THNSL1: variants seen among roughly 807,000 people sequenced by gnomAD.
THNSL1 encodes threonine synthase-like 1.
THNSL1 carries 48 observed loss-of-function variants against 50.4 expected under a neutral mutation model. That is an observed-to-expected ratio of 0.95 (90% CI 0.76 to 1.21). THNSL1 has a LOEUF of 1.21. THNSL1 is among the 50% of genes most tolerant of loss of function. THNSL1 has a pLI of 0.00. For synonymous variants in THNSL1, 309 were observed against 306.1 expected, an observed-to-expected ratio of 1.01 and a Z score of -0.10; for missense variants, 896 against 871.7, an observed-to-expected ratio of 1.03 and a Z score of -0.35.
In THNSL1 at chr10:25,024,687, T is replaced by C; in HGVS notation, c.1464T>C (p.Leu488=). The C allele has an allele frequency of 6.2e-7, 1 of 1,614,256 alleles. No individual in the cohort carries two copies. The highest frequency in any genetic ancestry group is 8.5e-7 in the Non-Finnish European group (1 of 1,180,038). Residue 488 remains leucine, a synonymous_variant, in exon 3 of 3, where the codon CTT becomes CTC. Coordinates refer to ENST00000376356, the MANE Select transcript of THNSL1 (RefSeq NM_024838.5). ...TAGTTTATCATGCTTCCGCATATCT[T>C]GATCTTGTTAGTCAAGGATTTATTT... ...PQVVYHASAY[L]DLVSQGFISF... is the part of the protein sequence containing the mutation.
chr10:25,007,762 A>T, the THNSL1 span, among the ~76,000 whole-genome samples: 1 of 152,014 alleles, frequency 6.6e-6, no homozygotes, highest in Non-Finnish European at 1.5e-5. Flanking sequence ...TATAGGCAGT[A>T]ACTCAAAATA....
chr10:25,025,299 C>G lies in THNSL1; in HGVS notation c.2076C>G (p.Leu692=), dbSNP rs764217133. The change falls in exon 3 of 3, where the codon CTC becomes CTG. Residue 692 remains leucine (L), a synonymous_variant. Coordinates refer to ENST00000376356, the MANE Select transcript of THNSL1 (RefSeq NM_024838.5). ...TCAATGAGACTTCATCAAGTCAGCT[C>G]TATTTGCTGGGTTCATACAATGCAT... ...KEINETSSSQ[L]YLLGSYNALP... 8 of 1,614,180 alleles carry G rather than the reference C, an allele frequency of 5.0e-6. No individual in the cohort carries two copies. The highest frequency in any genetic ancestry group is 4.4e-5 in the South Asian group (4 of 91,084).
chr10:25,022,123 T>G (rs1850730780), intron 2 of THNSL1, among the ~76,000 whole-genome samples: 1 of 152,162 alleles, frequency 6.6e-6, no homozygotes. Flanking sequence ...TTCAGGCAAT[T>G]TACATGAACA....
chr10:25,011,402 T>G, the THNSL1 span, among the ~76,000 whole-genome samples: 69 of 152,278 alleles, frequency 4.5e-4, no homozygotes, highest in African/African-American at 1.6e-3. Flanking sequence ...GGTTGCCTAT[T>G]CACTCTGATG....
the THNSL1 span, among the ~76,000 whole-genome samples, chr10:25,010,199 G>A: frequency 2.6e-5 from 4 of 152,100 alleles, no homozygotes; most frequent in East Asian, 1.9e-4. Flanking sequence ...GGTTTCAGAC[G>A]GAGATGAGGA....
the THNSL1 span, among the ~76,000 whole-genome samples, chr10:24,967,731 T>C: frequency 2.0e-5 from 3 of 151,724 alleles, no homozygotes; most frequent in Non-Finnish European, 4.4e-5. Context: ...GATATGTGTG[T>C]ATGATGTGTG....
In THNSL1 at chr10:25,024,647, G is replaced by A. The variant is rs1850804810; in HGVS notation, c.1424G>A (p.Arg475Gln). 5 of 1,614,196 alleles carry A rather than the reference G, an allele frequency of 3.1e-6. No individual in the cohort carries two copies. Among genetic ancestry groups the A allele is most frequent in the Middle Eastern group, 1.6e-4 (1 of 6,062 alleles). ...TCGGCTAACTCCATAAACTGGGGCCGACTACTTCCGCAGGTAGTTTATCAT... is the reference window on the plus strand; with the variant it reads ...TCGGCTAACTCCATAAACTGGGGCCAACTACTTCCGCAGGTAGTTTATCAT... ...LSSANSINWG[R>Q]LLPQVVYHAS... Residue 475 changes from arginine (R) to glutamine (Q), a missense_variant, in exon 3 of 3, where the codon CGA becomes CAA. By Grantham distance (43) the Arg-to-Gln change is conservative (BLOSUM62 1). Coordinates refer to ENST00000376356, the MANE Select transcript of THNSL1 (RefSeq NM_024838.5).
At chr10:24,986,841 A>C in the THNSL1 span, among the ~76,000 whole-genome samples, 1 of 152,202 alleles carries the variant, frequency 6.6e-6, no homozygotes, top group Non-Finnish European at 1.5e-5. Context: ...CTAAAAAGAT[A>C]CTTCATGTGT....
chr10:25,008,345 T>C, the THNSL1 span, among the ~76,000 whole-genome samples: 1 of 152,318 alleles, frequency 6.6e-6, no homozygotes, highest in African/African-American at 2.4e-5. Flanking sequence ...TGTAATTAGT[T>C]AGCAAAGTGG....
At chr10:24,980,403 G>C in the THNSL1 span, among the ~76,000 whole-genome samples, 15 of 152,012 alleles carry the variant, frequency 9.9e-5, no homozygotes, top group Non-Finnish European at 1.8e-4. Context: ...TAAAATGTCA[G>C]ATCCTACAAA....
chr10:24,967,726 G>A, the THNSL1 span, among the ~76,000 whole-genome samples: 2 of 151,614 alleles, frequency 1.3e-5, no homozygotes, highest in East Asian at 3.9e-4. Context: ...TGTGTGATAT[G>A]TGTGTATGAT....
At chr10:25,013,577 T>C (rs778225642), upstream of THNSL1, among the ~76,000 whole-genome samples, 39 of 152,220 alleles carry the variant, frequency 2.6e-4, no homozygotes, top group Non-Finnish European at 4.3e-4. Context: ...GTTCAGACCA[T>C]AACTGGAATA....
chr10:24,987,816 A>C, the THNSL1 span, among the ~76,000 whole-genome samples: 1 of 152,162 alleles, frequency 6.6e-6, no homozygotes, highest in Non-Finnish European at 1.5e-5. Context: ...ATCAAACTCT[A>C]AGTTCACTGA....
At chr10:24,982,293 G>C in the THNSL1 span, 1 of 152,226 alleles carries the variant, frequency 6.6e-6, no homozygotes, top group Admixed American at 6.5e-5. Flanking sequence ...GCAGTTTTCT[G>C]GGTGGAGGGA....
chr10:25,011,760 G>T (rs1444997558), upstream of THNSL1, among the ~76,000 whole-genome samples: 1 of 152,184 alleles, frequency 6.6e-6, no homozygotes, highest in Non-Finnish European at 1.5e-5. Context: ...AGGAAGCAGA[G>T]CATAAAAGTT....
upstream of THNSL1, among the ~76,000 whole-genome samples, chr10:25,014,922 T>C (rs1850530704): frequency 1.3e-5 from 2 of 152,216 alleles, no homozygotes; most frequent in African/African-American, 4.8e-5. Context: ...GGATATTATC[T>C]GGTACATTTA....
chr10:25,009,500 T>C, the THNSL1 span, among the ~76,000 whole-genome samples: 2 of 152,286 alleles, frequency 1.3e-5, no homozygotes, highest in East Asian at 3.9e-4. Flanking sequence ...GTTAAATCCT[T>C]GTTGATAAGG....
chr10:24,955,447 CA>C, the THNSL1 span, among the ~76,000 whole-genome samples: 1 of 152,220 alleles, frequency 6.6e-6, no homozygotes, highest in Non-Finnish European at 1.5e-5. Flanking sequence ...GTGTAATATA[CA>C]TCAATTTTCT....
chr10:25,017,231 T>C (rs1422552765), intron 1 of THNSL1, among the ~76,000 whole-genome samples: 2 of 152,162 alleles, frequency 1.3e-5, no homozygotes, highest in Admixed American at 6.5e-5. Context: ...TGTTGGAAAA[T>C]TGTCTTCTGA....
Sources: gnomAD v4.1 joint callset for allele counts (sites outside exome capture counted in the v4.1 genomes callset) on GRCh38, gnomAD v4.1.1 for gene constraint, MANE v1.5 for transcripts, NCBI Gene and HGNC (gene_info 2026-07-23, HGNC 2026-07-21) for gene names.